The following RNF8 variants were observed in gnomAD, a reference collection of about 807,000 sequenced individuals.
RNF8 encodes the protein ring finger protein 8, also known as E3 ubiquitin-protein ligase RNF8.
RNF8 carries 8 observed loss-of-function variants against 59.3 expected under a neutral mutation model. That is an observed-to-expected ratio of 0.13 (90% CI 0.08 to 0.24). The LOEUF is 0.24. Among genes scored for constraint, RNF8 ranks in the 10% least tolerant of loss-of-function variants. The pLI, the probability that RNF8 is intolerant of heterozygous loss-of-function variation, is 1.00. For synonymous variants in RNF8, 162 were observed against 200.0 expected, an observed-to-expected ratio of 0.81 and a Z score of 1.60; for missense variants, 406 against 572.6, an observed-to-expected ratio of 0.71 and a Z score of 2.97.
Position 37,383,705 on chromosome 6 carries a change from G to A in RNF8, c.1441+2351G>A, listed in dbSNP as rs114474680. Among the ~76,000 whole-genome samples the A allele has an allele frequency of 7.9e-3, 1,201 of 152,334 alleles. 15 individuals are homozygous for A. Among genetic ancestry groups the A allele is most frequent in the African/African-American group, 0.027 (1,122 of 41,582 alleles). On this transcript the variant is annotated intron_variant, in intron 7 of 7. Coordinates refer to ENST00000373479, the MANE Select transcript of RNF8 (RefSeq NM_003958.4). ...TGTGTGAGACCAGAGGAGAGGAAGA[G>A]GATGGGAGTGTTAGGATGCTGGGTC...
At chr6:37,388,674 C>T (rs1401692331) in intron 7 of RNF8, among the ~76,000 whole-genome samples, 1 of 151,928 alleles carries the variant, frequency 6.6e-6, no homozygotes, top group Non-Finnish European at 1.5e-5. Flanking sequence ...AGAGCTGGCA[C>T]ATGCCTGTCC....
chr6:37,378,243 G>A (rs570625078), intron 6 of RNF8, among the ~76,000 whole-genome samples: 6 of 152,152 alleles, frequency 3.9e-5, no homozygotes, highest in Admixed American at 2.0e-4. Context: ...ACAGTGAGTC[G>A]AGATCACGCA....
Position 37,392,303 on chromosome 6 carries a change from T to C in RNF8, c.*1545T>C. ...TTGCATGGGTATATGTCAATTTTTA[T>C]ATGTTCTGTGTTTAGTTTACATATT... On this transcript the variant is annotated 3_prime_UTR_variant, in exon 8 of 8. Transcript: ENST00000373479. 1 of 397,200 alleles carries C rather than the reference T, an allele frequency of 2.5e-6. No homozygotes were observed. The highest frequency in any genetic ancestry group is 4.4e-6 in the Non-Finnish European group (1 of 225,672). The allele number at this position is 397,200 out of a possible 1,614,324, so 24.6% of individuals were successfully genotyped here.
intron 4 of RNF8, among the ~76,000 whole-genome samples, chr6:37,372,472 C>T (rs1745779353): frequency 6.6e-6 from 1 of 152,046 alleles, no homozygotes; most frequent in Admixed American, 6.5e-5. Context: ...TGTTTATTTT[C>T]TAGGGTGGGA....
Position 37,368,871 on chromosome 6 carries a change from C to T in RNF8, c.628C>T (p.Leu210Phe), listed in dbSNP as rs908863334. ...CAATTTGGATCCTAAGTTGACTGCCCTTGAGCCAAGTAAGACCACAGGGGC... is the reference window on the plus strand; with the variant it reads ...CAATTTGGATCCTAAGTTGACTGCCTTTGAGCCAAGTAAGACCACAGGGGC... ...SDNLDPKLTA[L>F]EPSKTTGAPI... Residue 210 changes from leucine to phenylalanine, a missense_variant, in exon 3 of 8, where the codon CTT becomes TTT. This residue lies in a region of RNF8 where 285 missense variants were observed against 342.0 expected (regional missense o/e 0.83). Transcript: ENST00000373479. 11 of 1,614,112 alleles carry T rather than the reference C, an allele frequency of 6.8e-6. No individual in the cohort carries two copies. The highest frequency in any genetic ancestry group is 9.3e-6 in the Non-Finnish European group (11 of 1,180,004).
At chr6:37,368,403 A>T in intron 2 of RNF8, 81 bp from the exon 3 acceptor site, 1 of 1,612,640 alleles carries the variant, frequency 6.2e-7, no homozygotes, top group African/African-American at 1.3e-5. Context: ...AAGGCAGAAG[A>T]TTTTACAGCA....
intron 2 of RNF8, among the ~76,000 whole-genome samples, chr6:37,366,568 G>A (rs543963379): frequency 2.6e-5 from 4 of 152,280 alleles, no homozygotes; most frequent in South Asian, 2.1e-4. Context: ...CTTTCTTTCC[G>A]TGTAAACCAA....
intron 1 of RNF8, among the ~76,000 whole-genome samples, chr6:37,359,570 A>G (rs542756540): frequency 1.3e-5 from 2 of 152,326 alleles, no homozygotes; most frequent in East Asian, 3.9e-4. Context: ...ATAGGAATCA[A>G]TCTAAGGTCC....
intron 7 of RNF8, among the ~76,000 whole-genome samples, chr6:37,389,012 T>G (rs1770624581): frequency 6.6e-6 from 1 of 152,114 alleles, no homozygotes; most frequent in Admixed American, 6.6e-5. Flanking sequence ...ATCCCCCTCA[T>G]TACATTGCCC....
chr6:37,392,144 GA>G lies in RNF8; in HGVS notation c.*1392del. 4.1e-6 allele frequency: 1 copy of G among 243,134 alleles called. No homozygotes were observed. The allele number at this position is 243,134 out of a possible 1,614,324, so 15.1% of individuals were successfully genotyped here. A position where few individuals can be genotyped will look rare whatever the true frequency, so the allele number is the denominator to read the frequency against. ...TCATGGAGGAAGTAAGTTAAATGTG[GA>G]AAAAATGCTTTAAAAGTACTTACTA... On this transcript the variant is annotated 3_prime_UTR_variant, in exon 8 of 8. Coordinates refer to ENST00000373479, the MANE Select transcript of RNF8 (RefSeq NM_003958.4).
intron 2 of RNF8, chr6:37,361,249 T>C (rs1769310417): frequency 2.2e-6 from 1 of 454,482 alleles, no homozygotes; most frequent in South Asian, 1.6e-5. Flanking sequence ...GAGGATTGTT[T>C]GAGCCCATGA....
chr6:37,385,018 A>G (rs1562098306), intron 7 of RNF8, among the ~76,000 whole-genome samples: 2 of 146,552 alleles, frequency 1.4e-5, no homozygotes, highest in African/African-American at 5.0e-5. Flanking sequence ...TATTCTTAAG[A>G]TTTTTTTTTT....
In RNF8 at chr6:37,381,224, C is replaced by T. The variant is rs763970055; in HGVS notation, c.1311C>T (p.Cys437=). The T allele has an allele frequency of 2.5e-6, 4 of 1,613,994 alleles. No individual in the cohort carries two copies. In the East Asian group the frequency reaches 8.9e-5, roughly 36 times the overall value. The change falls in exon 7 of 8, where the codon TGC becomes TGT. Residue 437 remains cysteine, a synonymous_variant. Transcript: ENST00000373479. ...INEWMKRKIE[C]PICRKDIKSK... is the part of the protein sequence containing the mutation. The stretch of plus-strand genomic sequence containing the variant: ...AATGGATGAAGCGGAAGATAGAATG[C>T]CCCATTTGTCGGAAGGACATTAAGT...
chr6:37,380,543 C>T (rs368268603), intron 6 of RNF8, among the ~76,000 whole-genome samples: 9,662 of 150,766 alleles, frequency 0.064, 1,014 homozygotes, highest in African/African-American at 0.22. Flanking sequence ...TAGTGGCAGG[C>T]GCCTGTAGTC....
chr6:37,392,917 G>A lies in RNF8; in HGVS notation c.*2159G>A. 1 of 291,280 alleles carries A rather than the reference G, an allele frequency of 3.4e-6. No homozygotes were observed. The highest frequency in any genetic ancestry group is 6.2e-6 in the Non-Finnish European group (1 of 160,940). The allele number at this position is 291,280 out of a possible 1,614,324, so 18.0% of individuals were successfully genotyped here. On this transcript the variant is annotated 3_prime_UTR_variant, in exon 8 of 8. Coordinates refer to ENST00000373479, the MANE Select transcript of RNF8 (RefSeq NM_003958.4). ...AATCCTACCACCTTGGCCTCCCAAA[G>A]TGCTGAGATTACAGGCATGAGCCAT...
intron 5 of RNF8, among the ~76,000 whole-genome samples, chr6:37,375,919 C>G (rs1308550427): frequency 6.6e-6 from 1 of 152,324 alleles, no homozygotes; most frequent in East Asian, 1.9e-4. Flanking sequence ...AAAAGTGTGT[C>G]CACACGCAGT....
intron 3 of RNF8, among the ~76,000 whole-genome samples, chr6:37,370,840 CAG>C (rs752754447): frequency 6.3e-4 from 95 of 151,896 alleles, no homozygotes; most frequent in Non-Finnish European, 1.2e-3. Flanking sequence ...ACGATATAAT[CAG>C]AGAATAGTTT....
intron 2 of RNF8, among the ~76,000 whole-genome samples, chr6:37,364,060 T>G (rs899526142): frequency 2.0e-5 from 3 of 151,502 alleles, no homozygotes; most frequent in Non-Finnish European, 4.4e-5. Flanking sequence ...GTGCCTGTGG[T>G]CCCAGCTGCT....
chr6:37,373,561 A>G (rs1292447894), intron 4 of RNF8, among the ~76,000 whole-genome samples: 1 of 152,016 alleles, frequency 6.6e-6, no homozygotes, highest in Non-Finnish European at 1.5e-5. Context: ...CGCGCGCCAC[A>G]ATGCCCGACA....
Sources: gnomAD v4.1 joint callset for allele counts (sites outside exome capture counted in the v4.1 genomes callset) on GRCh38, gnomAD v4.1.1 for gene constraint, gnomAD v4.1.1 regional missense constraint, MANE v1.5 for transcripts, NCBI Gene and HGNC (gene_info 2026-07-23, HGNC 2026-07-21) for gene names.